The following PPP1R13B variants were observed in gnomAD, a reference collection of about 807,000 sequenced individuals.
The protein encoded by PPP1R13B is apoptosis-stimulating of p53 protein 1.
A neutral mutation model predicts 119.8 loss-of-function variants in PPP1R13B; 44 were observed. The observed-to-expected ratio is 0.37, with a 90% CI of 0.29 to 0.47. The LOEUF is 0.47. Ranked by LOEUF, PPP1R13B falls within the 20% of genes least tolerant of loss-of-function variation. PPP1R13B has a pLI of 0.99. For synonymous variants in PPP1R13B, 542 were observed against 561.5 expected, an observed-to-expected ratio of 0.97 and a Z score of 0.49; for missense variants, 1,227 against 1,413.5, an observed-to-expected ratio of 0.87 and a Z score of 2.12.
intron 1 of PPP1R13B, among the ~76,000 whole-genome samples, chr14:103,831,093 G>A (rs2086655463): frequency 6.6e-6 from 1 of 151,594 alleles, no homozygotes; most frequent in Non-Finnish European, 1.5e-5. Flanking sequence ...ACAGGCGTGT[G>A]CCACCACGCC....
chr14:103,843,079 A>G (rs1375318031), intron 1 of PPP1R13B, among the ~76,000 whole-genome samples: 1 of 152,178 alleles, frequency 6.6e-6, no homozygotes, highest in African/African-American at 2.4e-5. Flanking sequence ...TTTCAAAAAG[A>G]AACGATGCTG....
At chr14:103,812,135 T>G (rs1156698518) in intron 1 of PPP1R13B, among the ~76,000 whole-genome samples, 2 of 148,128 alleles carry the variant, frequency 1.4e-5, no homozygotes, top group Non-Finnish European at 3.0e-5. Flanking sequence ...TGGTTTTTTT[T>G]TTTTTTTTTT....
chr14:103,763,088 G>A (rs1335055697), intron 4 of PPP1R13B: 2 of 1,013,358 alleles, frequency 2.0e-6, no homozygotes, highest in Admixed American at 4.2e-5. Context: ...ACTTTGTGAA[G>A]GTTCCTGGGG....
At chr14:103,747,933 C>T (rs1042761456) in intron 8 of PPP1R13B, among the ~76,000 whole-genome samples, 14 of 152,180 alleles carry the variant, frequency 9.2e-5, no homozygotes, top group African/African-American at 1.9e-4. Flanking sequence ...CCTGAGAAAG[C>T]GGGATCCTGC....
chr14:103,811,323 AAGACAAGCCAC>A (rs2086151350), intron 1 of PPP1R13B, among the ~76,000 whole-genome samples: 1 of 152,126 alleles, frequency 6.6e-6, no homozygotes, highest in South Asian at 2.1e-4. Context: ...AGAGAATGAA[AAGACAAGCCAC>A]AGACTGGGAG....
chr14:103,742,401 G>T lies in PPP1R13B; in HGVS notation c.1321-110C>A. The T allele has an allele frequency of 7.0e-7, 1 of 1,420,358 alleles. No homozygotes were observed. Among genetic ancestry groups the T allele is most frequent in the Non-Finnish European group, 9.4e-7 (1 of 1,065,218 alleles). The allele number at this position is 1,420,358 out of a possible 1,614,324, so 88.0% of individuals were successfully genotyped here. A position where few individuals can be genotyped will look rare whatever the true frequency, so the allele number is the denominator to read the frequency against. On this transcript the variant is annotated intron_variant, in intron 10 of 16. Coordinates refer to ENST00000202556, the MANE Select transcript of PPP1R13B (RefSeq NM_015316.3). This position sits in a 1 kb window ranked among gnomAD's most constrained non-coding sequence, Gnocchi z 4.9. ...AGTAGAATTTGTAATCCGTCAAATT[G>T]GCTGTGACCAGGACTTGGGGCACAC... is the stretch of plus-strand genomic sequence containing the variant.
chr14:103,785,683 T>A (rs2085446338), intron 2 of PPP1R13B, among the ~76,000 whole-genome samples: 1 of 151,870 alleles, frequency 6.6e-6, no homozygotes, highest in South Asian at 2.1e-4. Flanking sequence ...AGCTAATTTT[T>A]GTGTTTTTAG....
chr14:103,757,329 C>T (rs1053806985), intron 5 of PPP1R13B, among the ~76,000 whole-genome samples: 1 of 152,202 alleles, frequency 6.6e-6, no homozygotes, highest in Non-Finnish European at 1.5e-5. Context: ...GCTGGGATTA[C>T]AGGCAGGAGC....
At chr14:103,764,626 A>C (rs962525449) in intron 4 of PPP1R13B, 1 of 173,790 alleles carries the variant, frequency 5.8e-6, no homozygotes, top group African/African-American at 2.4e-5. Flanking sequence ...TCTGTTATTC[A>C]TTGCAAATCT....
Position 103,810,641 on chromosome 14 carries a change from G to GCA in PPP1R13B, c.10-13124_10-13123insTG, listed in dbSNP as rs1247481820. Among the ~76,000 whole-genome samples the GCA allele has an allele frequency of 8.8e-4, 134 of 151,854 alleles. 3 individuals are homozygous for GCA. In the East Asian group the frequency reaches 0.021, roughly 23 times the overall value. Reference sequence around the variant, plus strand: ...CAAAACATTAGCTGGGCGTGGTGGTGGGCGCCTGTAGTCCCAGCTACTCGG... The same window carrying GCA: ...CAAAACATTAGCTGGGCGTGGTGGTGCAGGCGCCTGTAGTCCCAGCTACTCGG... On this transcript the variant is annotated intron_variant, in intron 1 of 16. Transcript: ENST00000202556.
intron 1 of PPP1R13B, among the ~76,000 whole-genome samples, chr14:103,811,456 G>A (rs776483099): frequency 1.3e-5 from 2 of 152,150 alleles, no homozygotes; most frequent in Non-Finnish European, 1.5e-5. Flanking sequence ...GGGAGGCTAA[G>A]ATGGGTGGAT....
chr14:103,830,098 T>C (rs1413648411), intron 1 of PPP1R13B, among the ~76,000 whole-genome samples: 2 of 115,544 alleles, frequency 1.7e-5, no homozygotes, highest in Admixed American at 9.9e-5. Flanking sequence ...TTTTATTTTA[T>C]TTATTTATTT....
At chr14:103,736,610 G>A (rs11847312) in intron 15 of PPP1R13B, 4,567 of 174,454 alleles carry the variant, frequency 0.026, 201 homozygotes, top group African/African-American at 0.091. Flanking sequence ...GCTACTTGTG[G>A]GTTCCCAAGA....
intron 8 of PPP1R13B, among the ~76,000 whole-genome samples, chr14:103,748,744 C>T (rs1054827980): frequency 6.6e-6 from 1 of 152,206 alleles, no homozygotes; most frequent in Non-Finnish European, 1.5e-5. Context: ...CTCACCAATG[C>T]ACTGTGAGCA....
intron 4 of PPP1R13B, among the ~76,000 whole-genome samples, chr14:103,772,525 T>TTCTA (rs2085095746): frequency 6.6e-6 from 1 of 152,224 alleles, no homozygotes; most frequent in African/African-American, 2.4e-5. Context: ...ACATTAGACA[T>TTCTA]TCTAATAGGT....
intron 2 of PPP1R13B, among the ~76,000 whole-genome samples, chr14:103,789,220 C>T (rs994100793): frequency 6.6e-5 from 10 of 151,572 alleles, no homozygotes; most frequent in Non-Finnish European, 1.5e-4. Flanking sequence ...TGTATTTTTG[C>T]AATTTTTTTT....
At chr14:103,809,135 C>T (rs186864035) in intron 1 of PPP1R13B, among the ~76,000 whole-genome samples, 1 of 152,254 alleles carries the variant, frequency 6.6e-6, no homozygotes, top group East Asian at 1.9e-4. Flanking sequence ...GGATTACAGG[C>T]ATGAGCCACC....
rs910691924 is a variant in PPP1R13B at position 103,742,449 on chromosome 14, C to T, written c.1321-158G>A. Among the ~76,000 whole-genome samples the T allele has an allele frequency of 1.3e-5, 2 of 152,182 alleles. No homozygotes were observed. Among genetic ancestry groups the T allele is most frequent in the African/African-American group, 2.4e-5 (1 of 41,446 alleles). On this transcript the variant is annotated intron_variant, in intron 10 of 16. Coordinates refer to ENST00000202556, the MANE Select transcript of PPP1R13B (RefSeq NM_015316.3). The surrounding 1 kb of genome is among the most constrained non-coding windows in gnomAD (Gnocchi z 4.9). ...CACTGTTGAGCTCATTGCCTGTCTG[C>T]AAAAGTTCTGACCGAAAGGTGTGTG...
At chr14:103,759,555 C>G (rs992451274) in intron 4 of PPP1R13B, among the ~76,000 whole-genome samples, 1 of 152,166 alleles carries the variant, frequency 6.6e-6, no homozygotes, top group East Asian at 1.9e-4. Flanking sequence ...ATCCTCCCAC[C>G]TAGGCCTCCC....
Sources: allele counts gnomAD v4.1 joint callset (sites outside exome capture counted in the v4.1 genomes callset), GRCh38; gene constraint gnomAD v4.1.1; non-coding constraint Gnocchi (gnomAD v3.1); transcripts MANE v1.5; gene names NCBI Gene and HGNC (gene_info 2026-07-23, HGNC 2026-07-21).